PALS1: variants seen among roughly 807,000 people sequenced by gnomAD.
The protein encoded by PALS1 is protein associated with LIN7 1, MAGUK p55 family member.
In PALS1, 31 loss-of-function variants were observed where a neutral mutation model predicts 78.9. The observed-to-expected ratio is 0.39, with a 90% CI of 0.30 to 0.53. The LOEUF is 0.53. Among genes scored for constraint, PALS1 ranks in the 20% least tolerant of loss-of-function variants. The pLI, the probability that PALS1 is intolerant of heterozygous loss-of-function variation, is 0.67. For missense variants in PALS1, 704 were observed against 826.5 expected, an observed-to-expected ratio of 0.85 and a Z score of 1.82; for synonymous variants, 276 against 270.9, an observed-to-expected ratio of 1.02 and a Z score of -0.18.
chr14:67,243,641 C>T (rs538932154), intron 1 of PALS1, among the ~76,000 whole-genome samples: 231 of 151,842 alleles, frequency 1.5e-3, no homozygotes, highest in African/African-American at 5.3e-3. Flanking sequence ...TACAGGTGCC[C>T]GCCACCACGC....
At chr14:67,296,194 C>T (rs1057195021) in intron 4 of PALS1, among the ~76,000 whole-genome samples, 3 of 151,930 alleles carry the variant, frequency 2.0e-5, no homozygotes, top group Admixed American at 1.3e-4. Context: ...TACCAGGAAG[C>T]GTAAGAAAGA....
At chr14:67,273,777 G>A (rs572742040) in intron 2 of PALS1, among the ~76,000 whole-genome samples, 15 of 152,156 alleles carry the variant, frequency 9.9e-5, no homozygotes, top group South Asian at 4.2e-4. Flanking sequence ...CATCCTCTCC[G>A]GCACCTGTTG....
At chr14:67,291,846 T>TTTCC (rs1167066221) in intron 3 of PALS1, among the ~76,000 whole-genome samples, 2 of 152,224 alleles carry the variant, frequency 1.3e-5, no homozygotes, top group African/African-American at 4.8e-5. Context: ...ATATTGCTAA[T>TTTCC]GGAATGCAGA....
In PALS1 at chr14:67,321,179, A is replaced by T. The variant is rs1448618888; in HGVS notation, c.1660A>T (p.Asn554Tyr). The T allele has an allele frequency of 6.2e-7, 1 of 1,614,232 alleles. No homozygotes were observed. The highest frequency in any genetic ancestry group is 1.7e-5 in the Admixed American group (1 of 60,024). ...KFIEHGEFEK[N>Y]LYGTSIDSVR... Reference sequence around the variant, plus strand: ...CATTGAGCATGGTGAATTTGAGAAGAATTTGTATGGAACTAGCATAGATTC... The same window carrying T: ...CATTGAGCATGGTGAATTTGAGAAGTATTTGTATGGAACTAGCATAGATTC... The change falls in exon 13 of 15, where the codon AAT becomes TAT. Residue 554 changes from asparagine to tyrosine, a missense_variant. Physicochemically the swap from Asn to Tyr is moderately radical, Grantham distance 143. Transcript: ENST00000261681.
At chr14:67,247,450 C>T (rs562033498) in intron 1 of PALS1, among the ~76,000 whole-genome samples, 13 of 152,192 alleles carry the variant, frequency 8.5e-5, no homozygotes, top group Admixed American at 3.3e-4. Context: ...AGTAGACAGT[C>T]GTGCTCAAAA....
At chr14:67,294,684 T>G (rs931080011) in intron 4 of PALS1, 2 of 152,154 alleles carry the variant, frequency 1.3e-5, no homozygotes, top group Non-Finnish European at 2.9e-5. Flanking sequence ...AGTGCTTTTT[T>G]TTTTTTGAGA....
At chr14:67,324,699 C>A (rs1454061775) in intron 14 of PALS1, among the ~76,000 whole-genome samples, 1 of 151,918 alleles carries the variant, frequency 6.6e-6, no homozygotes, top group Admixed American at 6.6e-5. Flanking sequence ...TCCTCTCACC[C>A]CAGCCTGTCC....
chr14:67,322,846 G>C (rs1050401312), intron 13 of PALS1, among the ~76,000 whole-genome samples: 11 of 152,188 alleles, frequency 7.2e-5, no homozygotes, highest in African/African-American at 2.7e-4. Context: ...GATAGAGCGT[G>C]TCAGTTTGAG....
At chr14:67,266,231 G>GT (rs2084320789) in intron 1 of PALS1, among the ~76,000 whole-genome samples, 1 of 152,092 alleles carries the variant, frequency 6.6e-6, no homozygotes, top group Admixed American at 6.5e-5. Context: ...GTAAGAACTC[G>GT]TTTTTTAGTT....
At chr14:67,249,950 A>G (rs2084042768) in intron 1 of PALS1, among the ~76,000 whole-genome samples, 1 of 152,042 alleles carries the variant, frequency 6.6e-6, no homozygotes, top group Non-Finnish European at 1.5e-5. Context: ...ATATTTAGAT[A>G]CTCATTTTTG....
In PALS1 at chr14:67,293,836, T is replaced by C. The variant is rs924669754; in HGVS notation, c.576+1117T>C. Among the ~76,000 whole-genome samples the C allele has an allele frequency of 2.0e-5, 3 of 152,316 alleles. No homozygotes were observed. In the East Asian group the frequency reaches 5.8e-4, roughly 29 times the overall value. On this transcript the variant is annotated intron_variant, in intron 4 of 14. Transcript: ENST00000261681. The stretch of plus-strand genomic sequence containing the variant: ...TCCTGTCCCTTTTAGGAGGAAGGTT[T>C]GTCCAGCTGGCTACTGGGTCCTTGT...
At chr14:67,300,833 T>G (rs2084921874) in intron 4 of PALS1, among the ~76,000 whole-genome samples, 1 of 152,000 alleles carries the variant, frequency 6.6e-6, no homozygotes, top group African/African-American at 2.4e-5. Flanking sequence ...CTTGTTAGAC[T>G]GTCAGTCTTT....
intron 1 of PALS1, among the ~76,000 whole-genome samples, chr14:67,258,430 G>C (rs1318916326): frequency 6.6e-6 from 1 of 152,164 alleles, no homozygotes; most frequent in Non-Finnish European, 1.5e-5. Context: ...CAGCTACTTG[G>C]GGGATTGAGG....
chr14:67,305,540 C>T (rs940170620), intron 8 of PALS1, among the ~76,000 whole-genome samples: 4 of 152,208 alleles, frequency 2.6e-5, no homozygotes, highest in South Asian at 2.1e-4. Flanking sequence ...CTCGGCCTCC[C>T]GAAGTGTTGG....
chr14:67,322,385 G>T (rs1456213637), intron 13 of PALS1, among the ~76,000 whole-genome samples: 1 of 152,126 alleles, frequency 6.6e-6, no homozygotes, highest in South Asian at 2.1e-4. Context: ...TAGAAACTTG[G>T]AGTTTTTAAG....
chr14:67,273,317 C>G (rs10083341), intron 2 of PALS1, among the ~76,000 whole-genome samples: 1 of 151,752 alleles, frequency 6.6e-6, no homozygotes, highest in Non-Finnish European at 1.5e-5. Flanking sequence ...GTTCCCCACC[C>G]TGTGTCCAAG....
intron 11 of PALS1, 57 bp downstream of exon 11, chr14:67,317,536 T>A (rs1378785678): frequency 1.1e-5 from 13 of 1,221,812 alleles, no homozygotes; most frequent in Non-Finnish European, 1.5e-5. Flanking sequence ...CTAAACCTAG[T>A]CCTGTTTTGC....
chr14:67,309,691 C>G (rs1239816467), intron 8 of PALS1, among the ~76,000 whole-genome samples: 1 of 152,164 alleles, frequency 6.6e-6, no homozygotes, highest in Non-Finnish European at 1.5e-5. Context: ...CTTAATTTCT[C>G]TCAGGGTAGT....
chr14:67,286,607 G>C (rs1392315462), intron 3 of PALS1, among the ~76,000 whole-genome samples: 1 of 151,972 alleles, frequency 6.6e-6, no homozygotes, highest in Non-Finnish European at 1.5e-5. Flanking sequence ...TATAATCCTA[G>C]CACTTTGGGA....
Sources: allele counts gnomAD v4.1 joint callset (sites outside exome capture counted in the v4.1 genomes callset), GRCh38; gene constraint gnomAD v4.1.1; transcripts MANE v1.5; gene names NCBI Gene and HGNC (gene_info 2026-07-23, HGNC 2026-07-21).